The following LRATD2 variants were observed in gnomAD, a reference collection of about 807,000 sequenced individuals.
LRATD2 encodes the protein LRAT domain containing 2, also known as protein LRATD2.
A neutral mutation model predicts 12.0 loss-of-function variants in LRATD2; 10 were observed. That is an observed-to-expected ratio of 0.83 (90% CI 0.51 to 1.41). The LOEUF is 1.41. LRATD2 is among the 40% of genes most tolerant of loss of function. The pLI is 0.00. For missense variants in LRATD2, 455 were observed against 446.1 expected (o/e 1.02, Z -0.18); for synonymous variants, 220 against 205.8 (o/e 1.07, Z -0.59).
In LRATD2 at chr8:126,558,292, C is replaced by A. The variant is rs1563641555; in HGVS notation, c.-355G>T. ...CCTCCCGCCAGCTGGGGCTGCTGCCCCTCCTCAGCCAGCTCTCGGGGGAGG... is the reference window on the plus strand; with the variant it reads ...CCTCCCGCCAGCTGGGGCTGCTGCCACTCCTCAGCCAGCTCTCGGGGGAGG... On this transcript the variant is annotated 5_prime_UTR_variant, in exon 1 of 2. Transcript: ENST00000304916. 2 of 152,150 alleles carry A rather than the reference C, an allele frequency of 1.3e-5. No individual in the cohort carries two copies. The highest frequency in any genetic ancestry group is 4.2e-4 in the South Asian group (2 of 4,812). 9.4% of individuals were successfully genotyped at this position (152,150 alleles called of 1,614,324 possible). A position where few individuals can be genotyped will look rare whatever the true frequency, so the allele number is the denominator to read the frequency against.
Position 126,554,421 on chromosome 8 carries a change from CAA to C in LRATD2, c.*2034_*2035del, listed in dbSNP as rs1817343076. 1 of 152,172 alleles carries C rather than the reference CAA, an allele frequency of 6.6e-6. No homozygotes were observed. The allele number at this position is 152,172 out of a possible 1,614,324, so 9.4% of individuals were successfully genotyped here. On this transcript the variant is annotated 3_prime_UTR_variant, in exon 2 of 2. Coordinates refer to ENST00000304916, the MANE Select transcript of LRATD2 (RefSeq NM_174911.5). ...TTATCTTGTTCTGCTATTCCATGAG[CAA>C]AGAGAATAAACACAAAGCTGTGAGA...
chr8:126,552,606 A>G lies in LRATD2; in HGVS notation c.*3851T>C, dbSNP rs1157827385. On this transcript the variant is annotated 3_prime_UTR_variant, in exon 2 of 2. Transcript: ENST00000304916. ...CCTTCATTTTGAAGGAAATGATACA[A>G]TTTCAAATCGGAACTTCCTTCTCAA... The G allele has an allele frequency of 1.3e-5, 2 of 152,678 alleles. No homozygotes were observed. Among genetic ancestry groups the G allele is most frequent in the Non-Finnish European group, 2.9e-5 (2 of 68,036 alleles). The allele number at this position is 152,678 out of a possible 1,614,324, so 9.5% of individuals were successfully genotyped here.
Position 126,556,312 on chromosome 8 carries a change from C to T in LRATD2, c.*145G>A, listed in dbSNP as rs543054768. 191 of 975,698 alleles carry T rather than the reference C, an allele frequency of 2.0e-4. 1 individual carries two copies. In the South Asian group the frequency reaches 2.8e-3, roughly 14 times the overall value. 60.4% of individuals were successfully genotyped at this position (975,698 alleles called of 1,614,324 possible). On this transcript the variant is annotated 3_prime_UTR_variant, in exon 2 of 2. Coordinates refer to ENST00000304916, the MANE Select transcript of LRATD2 (RefSeq NM_174911.5). The surrounding 1 kb of genome is among the most constrained non-coding windows in gnomAD (Gnocchi z 5.6). ...CCTCCCCCGTCCACAGCCGGCTGCGCATTTCACCAACTCTTTTCCAAAGGG... is the reference window on the plus strand; with the variant it reads ...CCTCCCCCGTCCACAGCCGGCTGCGTATTTCACCAACTCTTTTCCAAAGGG...
In LRATD2 at chr8:126,556,294, C is replaced by A. The variant is rs1421118381; in HGVS notation, c.*163G>T. The stretch of plus-strand genomic sequence containing the variant: ...TCCCTCTGTCCCCTTCCTCCTCCCC[C>A]GTCCACAGCCGGCTGCGCATTTCAC... On this transcript the variant is annotated 3_prime_UTR_variant, in exon 2 of 2. Coordinates refer to ENST00000304916, the MANE Select transcript of LRATD2 (RefSeq NM_174911.5). The surrounding 1 kb of genome is among the most constrained non-coding windows in gnomAD (Gnocchi z 5.6). 4 of 809,338 alleles carry A rather than the reference C, an allele frequency of 4.9e-6. No homozygotes were observed. The highest frequency in any genetic ancestry group is 5.5e-6 in the Non-Finnish European group (3 of 547,896). The allele number at this position is 809,338 out of a possible 1,614,324, so 50.1% of individuals were successfully genotyped here. A position where few individuals can be genotyped will look rare whatever the true frequency, so the allele number is the denominator to read the frequency against.
chr8:126,555,857 A>G lies in LRATD2; in HGVS notation c.*600T>C, dbSNP rs1312504017. The G allele has an allele frequency of 6.5e-6, 1 of 152,720 alleles. No homozygotes were observed. Among genetic ancestry groups the G allele is most frequent in the African/African-American group, 2.4e-5 (1 of 41,432 alleles). The allele number at this position is 152,720 out of a possible 1,614,324, so 9.5% of individuals were successfully genotyped here. On this transcript the variant is annotated 3_prime_UTR_variant, in exon 2 of 2. Transcript: ENST00000304916. ...TTAACTATTTGTTACACTTAATAGG[A>G]GGCTGCTGTGGTTTTGGTCTGCTGC...
chr8:126,556,908 C>T lies in LRATD2; in HGVS notation c.482G>A (p.Gly161Asp). The change falls in exon 2 of 2, where the codon GGC becomes GAC. Residue 161 changes from glycine to aspartate, a missense_variant. By Grantham distance (94) the Gly-to-Asp change is moderately conservative. Coordinates refer to ENST00000304916, the MANE Select transcript of LRATD2 (RefSeq NM_174911.5). The surrounding 1 kb of genome is among the most constrained non-coding windows in gnomAD (Gnocchi z 5.6). ...ATCGTTGACCACGCGGCCGCGACGGCCCTGGCTGGCGTCAGTCAGGAAGCT... is the reference window on the plus strand; with the variant it reads ...ATCGTTGACCACGCGGCCGCGACGGTCCTGGCTGGCGTCAGTCAGGAAGCT... ...INSFLTDASQ[G>D]RRGRVVNDLY... is the part of the protein sequence containing the mutation. 1.2e-6 allele frequency: 2 copies of T among 1,609,354 alleles called. No homozygotes were observed. Among genetic ancestry groups the T allele is most frequent in the Non-Finnish European group, 8.5e-7 (1 of 1,179,882 alleles).
In LRATD2 at chr8:126,554,957, G is replaced by A. The variant is rs1287091139; in HGVS notation, c.*1500C>T. The A allele has an allele frequency of 6.6e-6, 1 of 152,172 alleles. No homozygotes were observed. Among genetic ancestry groups the A allele is most frequent in the Non-Finnish European group, 1.5e-5 (1 of 68,044 alleles). The allele number at this position is 152,172 out of a possible 1,614,324, so 9.4% of individuals were successfully genotyped here. The stretch of plus-strand genomic sequence containing the variant: ...ACATATCATTGAAGATGTCACAGGA[G>A]TTTAAGAGACAGGCTGGAAAAAATC... On this transcript the variant is annotated 3_prime_UTR_variant, in exon 2 of 2. Transcript: ENST00000304916.
Position 126,557,436 on chromosome 8 carries a change from A to G in LRATD2, c.-47T>C, listed in dbSNP as rs776460270. Reference sequence around the variant, plus strand: ...CACCGCCGCAAGGGGAGAAAGCGAAACCAACTCCAGGGTCATTTGCACAGG... The same window carrying G: ...CACCGCCGCAAGGGGAGAAAGCGAAGCCAACTCCAGGGTCATTTGCACAGG... On this transcript the variant is annotated 5_prime_UTR_variant, in exon 2 of 2. Transcript: ENST00000304916. The surrounding 1 kb of genome is among the most constrained non-coding windows in gnomAD (Gnocchi z 5.3). 3 of 1,595,100 alleles carry G rather than the reference A, an allele frequency of 1.9e-6. No homozygotes were observed. In the East Asian group the frequency reaches 6.7e-5, roughly 36 times the overall value.
In LRATD2 at chr8:126,554,499, C is replaced by G. The variant is rs1205679147; in HGVS notation, c.*1958G>C. The stretch of plus-strand genomic sequence containing the variant: ...CATTTCCAACAAGAAATTCATCTCC[C>G]TCCAAAGTCCCAGACCAGGGCTAGA... On this transcript the variant is annotated 3_prime_UTR_variant, in exon 2 of 2. Transcript: ENST00000304916. 1.3e-5 allele frequency: 2 copies of G among 152,186 alleles called. No individual in the cohort carries two copies. Among genetic ancestry groups the G allele is most frequent in the African/African-American group, 4.8e-5 (2 of 41,454 alleles). The allele number at this position is 152,186 out of a possible 1,614,324, so 9.4% of individuals were successfully genotyped here.
Position 126,557,381 on chromosome 8 carries a change from G to A in LRATD2, c.9C>T (p.Asn3=), listed in dbSNP as rs777831954. The change falls in exon 2 of 2, where the codon AAC becomes AAT. Residue 3 remains asparagine, a synonymous_variant. Coordinates refer to ENST00000304916, the MANE Select transcript of LRATD2 (RefSeq NM_174911.5). The surrounding 1 kb of genome is among the most constrained non-coding windows in gnomAD (Gnocchi z 5.3). The part of the protein sequence containing the change: MG[N]QVEKLTHLSY... ...TTAGGTGGGTCAATTTCTCCACCTG[G>A]TTGCCCATCACGCTGCGGACACACG... The A allele has an allele frequency of 9.9e-6, 16 of 1,613,104 alleles. No individual in the cohort carries two copies. In the Admixed American group the frequency reaches 2.5e-4, roughly 25 times the overall value.
Position 126,556,418 on chromosome 8 carries a change from A to C in LRATD2, c.*39T>G, listed in dbSNP as rs760305312. 1 of 1,510,700 alleles carries C rather than the reference A, an allele frequency of 6.6e-7. No homozygotes were observed. Among genetic ancestry groups the C allele is most frequent in the South Asian group, 1.3e-5 (1 of 77,836 alleles). 93.6% of individuals were successfully genotyped at this position (1,510,700 alleles called of 1,614,324 possible). A position where few individuals can be genotyped will look rare whatever the true frequency, so the allele number is the denominator to read the frequency against. ...GAAAGGGAGCAGCGGCTGCTACTGC[A>C]AACAGTTCCCCTTCGCAGCTCTGCG... On this transcript the variant is annotated 3_prime_UTR_variant, in exon 2 of 2. Coordinates refer to ENST00000304916, the MANE Select transcript of LRATD2 (RefSeq NM_174911.5). This position sits in a 1 kb window ranked among gnomAD's most constrained non-coding sequence, Gnocchi z 5.6.
chr8:126,556,594 G>T lies in LRATD2; in HGVS notation c.796C>A (p.Leu266Met), dbSNP rs755550800. 6.2e-6 allele frequency: 10 copies of T among 1,609,928 alleles called. No individual in the cohort carries two copies. Among genetic ancestry groups the T allele is most frequent in the Non-Finnish European group, 8.5e-6 (10 of 1,178,200 alleles). Residue 266 changes from leucine to methionine, a missense_variant, in exon 2 of 2, where the codon CTG (leucine) becomes ATG (methionine). Coordinates refer to ENST00000304916, the MANE Select transcript of LRATD2 (RefSeq NM_174911.5). The surrounding 1 kb of genome is among the most constrained non-coding windows in gnomAD (Gnocchi z 5.6). The part of the protein sequence containing the change: ...RNDQIGRAAV[L>M]QELATHLHPA... ...TGCAGGTGCGTGGCGAGCTCCTGCAGCACGGCCGCGCGCCCGATCTGGTCG... is the reference window on the plus strand; with the variant it reads ...TGCAGGTGCGTGGCGAGCTCCTGCATCACGGCCGCGCGCCCGATCTGGTCG...
In LRATD2 at chr8:126,554,689, C is replaced by T. The variant is rs73705689; in HGVS notation, c.*1768G>A. 1 of 152,136 alleles carries T rather than the reference C, an allele frequency of 6.6e-6. No individual in the cohort carries two copies. The highest frequency in any genetic ancestry group is 6.5e-5 in the Admixed American group (1 of 15,280). The allele number at this position is 152,136 out of a possible 1,614,324, so 9.4% of individuals were successfully genotyped here. ...TGTGAAACAAGTGTATTAGAAAATT[C>T]TTTAAGTCTTGTTGCCTTAACTTAG... On this transcript the variant is annotated 3_prime_UTR_variant, in exon 2 of 2. Coordinates refer to ENST00000304916, the MANE Select transcript of LRATD2 (RefSeq NM_174911.5).
rs757016305 is a variant in LRATD2 at position 126,557,060 on chromosome 8, C to T, written c.330G>A (p.Glu110=). The T allele has an allele frequency of 1.9e-6, 3 of 1,608,584 alleles. No homozygotes were observed. Among genetic ancestry groups the T allele is most frequent in the South Asian group, 1.1e-5 (1 of 91,084 alleles). Residue 110 remains glutamate (E), a synonymous_variant, in exon 2 of 2, where the codon GAG becomes GAA. Transcript: ENST00000304916. This position sits in a 1 kb window ranked among gnomAD's most constrained non-coding sequence, Gnocchi z 5.3. ...GSAALSTYTP[E]NLLNKCKPGD... ...CCGGCTTGCACTTGTTGAGCAGGTTCTCGGGCGTGTAGGTACTCAGCGCCG... is the reference window on the plus strand; with the variant it reads ...CCGGCTTGCACTTGTTGAGCAGGTTTTCGGGCGTGTAGGTACTCAGCGCCG...
rs1262381925 is a variant in LRATD2, at chr8:126,556,721, G to C, written c.669C>G (p.Ile223Met). 1 of 1,605,836 alleles carries C rather than the reference G, an allele frequency of 6.2e-7. No homozygotes were observed. Among genetic ancestry groups the C allele is most frequent in the South Asian group, 1.1e-5 (1 of 90,338 alleles). Residue 223 changes from isoleucine to methionine, a missense_variant, in exon 2 of 2, where the codon ATC becomes ATG. Transcript: ENST00000304916. The surrounding 1 kb of genome is among the most constrained non-coding windows in gnomAD (Gnocchi z 5.6). ...TCTGCAGCCGGTAGGGCTGCTTGCC[G>C]ATGCGCAGCTCGCCGCCGATCTTGA... ...REFKIGGELRIGKQPYRLQIQ... is the reference protein window; with the variant it reads ...REFKIGGELRMGKQPYRLQIQ...
Position 126,557,818 on chromosome 8 carries a change from T to C in LRATD2, c.-97+216A>G, listed in dbSNP as rs1424952006. On this transcript the variant is annotated intron_variant, in intron 1 of 1. Transcript: ENST00000304916. This position sits in a 1 kb window ranked among gnomAD's most constrained non-coding sequence, Gnocchi z 5.3. ...CTTTACGCCAATCCCCCCCCTCCTC[T>C]GCTAACTTCCCCTCCCACCCTCGGG... The C allele has an allele frequency of 1.2e-5, 2 of 172,802 alleles. No individual in the cohort carries two copies. Among genetic ancestry groups the C allele is most frequent in the African/African-American group, 2.4e-5 (1 of 41,424 alleles). The allele number at this position is 172,802 out of a possible 1,614,324, so 10.7% of individuals were successfully genotyped here. A position where few individuals can be genotyped will look rare whatever the true frequency, so the allele number is the denominator to read the frequency against.
rs192737452 is a variant in LRATD2 at position 126,556,200 on chromosome 8, G to C, written c.*257C>G. On this transcript the variant is annotated 3_prime_UTR_variant, in exon 2 of 2. Coordinates refer to ENST00000304916, the MANE Select transcript of LRATD2 (RefSeq NM_174911.5). This position sits in a 1 kb window ranked among gnomAD's most constrained non-coding sequence, Gnocchi z 5.6. ...GCAAGTCCACAGTTTGCTCCACCGC[G>C]GAGAGGAAGACAGACAGGGGGCCAG... The C allele has an allele frequency of 8.1e-6, 4 of 491,546 alleles. No individual in the cohort carries two copies. The highest frequency in any genetic ancestry group is 1.4e-5 in the Non-Finnish European group (4 of 283,464). 30.4% of individuals were successfully genotyped at this position (491,546 alleles called of 1,614,324 possible).
rs1408910054 is a variant in LRATD2 at position 126,557,703 on chromosome 8, T to A, written c.-96-218A>T. 5.2e-6 allele frequency: 2 copies of A among 381,010 alleles called. No individual in the cohort carries two copies. The highest frequency in any genetic ancestry group is 9.4e-6 in the Non-Finnish European group (2 of 212,008). 23.6% of individuals were successfully genotyped at this position (381,010 alleles called of 1,614,324 possible). On this transcript the variant is annotated intron_variant, in intron 1 of 1. Coordinates refer to ENST00000304916, the MANE Select transcript of LRATD2 (RefSeq NM_174911.5). The surrounding 1 kb of genome is among the most constrained non-coding windows in gnomAD (Gnocchi z 5.3). ...CTGTCCCCAGCCCTTCGCCTGGCCC[T>A]GGCAAAAGCCCATTGCATCAGCAGC...
Position 126,557,287 on chromosome 8 carries a change from A to C in LRATD2, c.103T>G (p.Ser35Ala). Residue 35 changes from serine to alanine, a missense_variant, in exon 2 of 2, where the codon TCC (serine) becomes GCC (alanine). Ser to Ala is a moderately conservative substitution (Grantham distance 99). Transcript: ENST00000304916. The surrounding 1 kb of genome is among the most constrained non-coding windows in gnomAD (Gnocchi z 5.3). ...TCATCGTCATTGGAGAAAATGTAGG[A>C]GACCCCAATGCGGGGCCCGTCGTCC... ...DRDDGPRIGV[S>A]YIFSNDDEDV... 1 of 1,613,176 alleles carries C rather than the reference A, an allele frequency of 6.2e-7. No homozygotes were observed. Among genetic ancestry groups the C allele is most frequent in the Non-Finnish European group, 8.5e-7 (1 of 1,179,868 alleles).
Sources: allele counts gnomAD v4.1 joint callset, GRCh38; gene constraint gnomAD v4.1.1; non-coding constraint Gnocchi (gnomAD v3.1); transcripts MANE v1.5; gene names NCBI Gene and HGNC (gene_info 2026-07-23, HGNC 2026-07-21).